Variants in CAMK2G observed in about 807,000 individuals in gnomAD.
CAMK2G encodes calcium/calmodulin-dependent protein kinase type II subunit gamma.
A neutral mutation model predicts 88.7 loss-of-function variants in CAMK2G; 23 were observed. The ratio of observed to expected loss-of-function variants is 0.26; its 90% confidence interval spans 0.19 to 0.37. The LOEUF (loss-of-function observed/expected upper bound fraction) is 0.37, where lower values mean the gene tolerates loss of function less well. CAMK2G is among the 10% of genes least tolerant of loss of function. CAMK2G has a pLI of 1.00. For synonymous variants in CAMK2G, 263 were observed against 294.8 expected (o/e 0.89, Z 1.11); for missense variants, 476 against 780.8 (o/e 0.61, Z 4.65).
Position 73,847,295 on chromosome 10 carries a change from T to A in CAMK2G, c.749A>T (p.Asn250Ile). Residue 250 changes from asparagine to isoleucine, a missense_variant, in exon 10 of 23, where the codon AAC becomes ATC. Around this residue, in one of 3 missense-constraint regions of CAMK2G, gnomAD observed 164 missense variants for 385.6 expected, o/e 0.43. Coordinates refer to ENST00000423381, the MANE Select transcript of CAMK2G (RefSeq NM_001367534.1). ...TVTPEAKNLI[N>I]QMLTINPAKR... ...TGCTGGGTTTATGGTCAGCATCTGG[T>A]TGATCAAGTTCTTGGCTTCAGGAGT... The A allele has an allele frequency of 6.2e-7, 1 of 1,614,162 alleles. No individual in the cohort carries two copies. The highest frequency in any genetic ancestry group is 8.5e-7 in the Non-Finnish European group (1 of 1,179,992).
chr10:73,839,686 GC>G lies in CAMK2G; in HGVS notation c.947-86del. On this transcript the variant is annotated intron_variant, in intron 12 of 22. Coordinates refer to ENST00000423381, the MANE Select transcript of CAMK2G (RefSeq NM_001367534.1). This position sits in a 1 kb window ranked among gnomAD's most constrained non-coding sequence, Gnocchi z 4.2. ...CGAGCATGCCCCAGCGCGAGGCGCA[GC>G]CCAGGCGGCGTGGCCAAGCCAGCCG... 2.2e-6 allele frequency: 2 copies of G among 894,260 alleles called. No homozygotes were observed. Among genetic ancestry groups the G allele is most frequent in the Non-Finnish European group, 2.9e-6 (2 of 679,120 alleles). 55.4% of individuals were successfully genotyped at this position (894,260 alleles called of 1,614,324 possible).
At chr10:73,823,372 C>T (rs1363373998) in intron 17 of CAMK2G, among the ~76,000 whole-genome samples, 1 of 152,170 alleles carries the variant, frequency 6.6e-6, no homozygotes, top group South Asian at 2.1e-4. Context: ...CGCGCCACCA[C>T]ACCTGCCTAC....
At chr10:73,823,454 G>T (rs1025575331) in intron 17 of CAMK2G, among the ~76,000 whole-genome samples, 2 of 152,166 alleles carry the variant, frequency 1.3e-5, no homozygotes, top group African/African-American at 4.8e-5. Flanking sequence ...GAGCTCAGGC[G>T]ATCTGCGCAC....
chr10:73,822,872 T>C (rs2089482587), intron 17 of CAMK2G, among the ~76,000 whole-genome samples: 1 of 152,208 alleles, frequency 6.6e-6, no homozygotes, highest in Admixed American at 6.5e-5. Flanking sequence ...TTTCTGTTTT[T>C]CATTTTTTAG....
chr10:73,866,841 C>G (rs1310927562), intron 2 of CAMK2G, among the ~76,000 whole-genome samples: 1 of 152,202 alleles, frequency 6.6e-6, no homozygotes, highest in African/African-American at 2.4e-5. Context: ...TCCACCTTCC[C>G]CAGCTGCTTA....
At chr10:73,837,259 T>C in intron 14 of CAMK2G, 3 of 633,430 alleles carry the variant, frequency 4.7e-6, no homozygotes, top group East Asian at 2.7e-5. Context: ...CCCTGAGTCA[T>C]TCCCATCCAG....
chr10:73,816,620 C>T (rs1026254958), intron 21 of CAMK2G: 45 of 633,728 alleles, frequency 7.1e-5, no homozygotes, highest in South Asian at 6.6e-4. Flanking sequence ...CCACCACGCC[C>T]GGCTAATTTT....
intron 18 of CAMK2G, among the ~76,000 whole-genome samples, chr10:73,820,776 G>A (rs1005383031): frequency 2.7e-5 from 4 of 145,468 alleles, no homozygotes; most frequent in South Asian, 2.2e-4. Flanking sequence ...AGGTTCAAGC[G>A]ATTCTCCCAC....
chr10:73,865,834 C>T (rs940937563), intron 2 of CAMK2G, among the ~76,000 whole-genome samples: 10 of 152,118 alleles, frequency 6.6e-5, no homozygotes, highest in African/African-American at 2.2e-4. Context: ...CCCTCCTCCA[C>T]GCACCTTTCT....
Position 73,817,484 on chromosome 10 carries a change from G to T in CAMK2G, c.1434C>A (p.Ala478=). ...AAAAATGGGTCTCTACTTACGTGTAGGCCTCAAAGTCCCCATTGTTGATGG... is the reference window on the plus strand; with the variant it reads ...AAAAATGGGTCTCTACTTACGTGTATGCCTCAAAGTCCCCATTGTTGATGG... The part of the protein sequence containing the change: ...IEAINNGDFE[A]YTKICDPGLT... The change falls in exon 20 of 23, where the codon GCC becomes GCA. Residue 478 remains alanine (A), a synonymous_variant. Coordinates refer to ENST00000423381, the MANE Select transcript of CAMK2G (RefSeq NM_001367534.1). 6.2e-7 allele frequency: 1 copy of T among 1,604,756 alleles called. No homozygotes were observed. The highest frequency in any genetic ancestry group is 8.5e-7 in the Non-Finnish European group (1 of 1,171,474).
chr10:73,820,652 A>T (rs1183288192), intron 18 of CAMK2G, among the ~76,000 whole-genome samples: 2 of 117,396 alleles, frequency 1.7e-5, no homozygotes, highest in African/African-American at 6.4e-5. Context: ...CCCCGCCACC[A>T]CACCCGGCTA....
In CAMK2G at chr10:73,817,600, C is replaced by T. The variant is rs1243934543; in HGVS notation, c.1364-46G>A. The T allele has an allele frequency of 6.7e-6, 9 of 1,334,060 alleles. No homozygotes were observed. In the Admixed American group the frequency reaches 1.5e-4, roughly 22 times the overall value. 82.6% of individuals were successfully genotyped at this position (1,334,060 alleles called of 1,614,324 possible). On this transcript the variant is annotated intron_variant, in intron 19 of 22. Coordinates refer to ENST00000423381, the MANE Select transcript of CAMK2G (RefSeq NM_001367534.1). ...TCAATTTACCTACTGGGGAACCTCC[C>T]AAGTTACAGAGAGCCCTCCCCAGTC...
intron 3 of CAMK2G, among the ~76,000 whole-genome samples, 165 bp from the exon 4 acceptor site, chr10:73,853,411 G>A (rs757496587): frequency 2.0e-5 from 3 of 152,224 alleles, no homozygotes; most frequent in Non-Finnish European, 4.4e-5. Flanking sequence ...CCAGTGCAAG[G>A]CTATGCAGCC....
chr10:73,816,469 C>CT (rs145094344), intron 21 of CAMK2G: 18,192 of 1,074,218 alleles, frequency 0.017, 111 homozygotes, highest in Non-Finnish European at 0.019. Context: ...ATAATTTTTT[C>CT]TTTTTTTTTG....
intron 1 of CAMK2G, 131 bp downstream of exon 1, chr10:73,874,266 G>A: frequency 2.3e-6 from 1 of 444,130 alleles, no homozygotes; most frequent in Admixed American, 4.9e-5. Flanking sequence ...GAAGGCGGCG[G>A]GCGGGAAAGG....
At chr10:73,864,580 G>A (rs1453323491) in intron 2 of CAMK2G, among the ~76,000 whole-genome samples, 1 of 152,232 alleles carries the variant, frequency 6.6e-6, no homozygotes, top group Non-Finnish European at 1.5e-5. Flanking sequence ...AGGACCCAAA[G>A]TAGGTGAGAC....
At position 73,819,662 on chromosome 10, in the gene CAMK2G, G is replaced by C. The variant is rs1477036181; in HGVS notation, c.1250-17C>G. ...GCGGGGCAGCTAGCCAGCCAGGGCA[G>C]GGCAGGGCAGGGCAAGGCAGAGCAG... On this transcript the variant is annotated splice_polypyrimidine_tract_variant and intron_variant, in intron 18 of 22. Coordinates refer to ENST00000423381, the MANE Select transcript of CAMK2G (RefSeq NM_001367534.1). The C allele has an allele frequency of 1.0e-5, 15 of 1,465,800 alleles. No individual in the cohort carries two copies. In the South Asian group the frequency reaches 1.8e-4, roughly 18 times the overall value. 90.8% of individuals were successfully genotyped at this position (1,465,800 alleles called of 1,614,324 possible).
intron 14 of CAMK2G, 67 bp from the exon 15 acceptor site, chr10:73,828,188 G>A (rs911138672): frequency 5.2e-6 from 7 of 1,349,066 alleles, no homozygotes; most frequent in East Asian, 4.6e-5. Flanking sequence ...GCACAGAGAC[G>A]CTGCAGGTTA....
chr10:73,864,329 A>C (rs747544556), intron 2 of CAMK2G, among the ~76,000 whole-genome samples: 6 of 152,126 alleles, frequency 3.9e-5, no homozygotes, highest in Non-Finnish European at 7.4e-5. Flanking sequence ...GAGGCCTACT[A>C]TGTGACAGAC....
Sources: gnomAD v4.1 joint callset for allele counts (sites outside exome capture counted in the v4.1 genomes callset) on GRCh38, gnomAD v4.1.1 for gene constraint, gnomAD v4.1.1 regional missense constraint, Gnocchi (gnomAD v3.1) non-coding constraint, MANE v1.5 for transcripts, NCBI Gene and HGNC (gene_info 2026-07-23, HGNC 2026-07-21) for gene names.